Variants in MTAP observed in about 807,000 individuals in gnomAD.
The protein encoded by MTAP is S-methyl-5'-thioadenosine phosphorylase.
Under a neutral mutation model 33.6 loss-of-function variants are expected in MTAP, and 33 were observed. The observed-to-expected ratio is 0.98, with a 90% confidence interval of 0.74 to 1.31. MTAP has a LOEUF of 1.31. MTAP is among the 40% of genes most tolerant of loss of function. MTAP has a pLI of 0.00. For synonymous variants in MTAP, 148 were observed against 125.7 expected, an observed-to-expected ratio of 1.18 and a Z score of -1.19; for missense variants, 367 against 360.0, an observed-to-expected ratio of 1.02 and a Z score of -0.16.
At chr9:21,846,808 T>C (rs1201632560) in intron 5 of MTAP, among the ~76,000 whole-genome samples, 1 of 152,208 alleles carries the variant, frequency 6.6e-6, no homozygotes, top group Non-Finnish European at 1.5e-5. Context: ...CAACTTACAA[T>C]TGTAAAAACT....
chr9:21,865,500 G>C lies in MTAP; in HGVS notation c.*3486G>C. ...GGAACTACCAGTGTGCACACAATCT[G>C]GCTCAATGTATATATTGGCCCAGCA... On this transcript the variant is annotated 3_prime_UTR_variant, in exon 8 of 8. Transcript: ENST00000644715. 1.0e-6 allele frequency: 1 copy of C among 985,514 alleles called. No homozygotes were observed. The highest frequency in any genetic ancestry group is 1.2e-6 in the Non-Finnish European group (1 of 829,976). The allele number at this position is 985,514 out of a possible 1,614,324, so 61.0% of individuals were successfully genotyped here.
In MTAP at chr9:21,862,316, G is replaced by A; in HGVS notation, c.*302G>A. 2.7e-6 allele frequency: 1 copy of A among 363,850 alleles called. No individual in the cohort carries two copies. The highest frequency in any genetic ancestry group is 4.4e-6 in the Non-Finnish European group (1 of 227,854). The allele number at this position is 363,850 out of a possible 1,614,324, so 22.5% of individuals were successfully genotyped here. A position where few individuals can be genotyped will look rare whatever the true frequency, so the allele number is the denominator to read the frequency against. On this transcript the variant is annotated 3_prime_UTR_variant, in exon 8 of 8. Transcript: ENST00000644715. Reference sequence around the variant, plus strand: ...CCCTATTAAATTTGCAACAATAAAGGGTGGAGGGTAATCTCTACTTTCCTA... The same window carrying A: ...CCCTATTAAATTTGCAACAATAAAGAGTGGAGGGTAATCTCTACTTTCCTA...
rs766120810 is a variant in MTAP, at chr9:21,865,482, C to T, written c.*3468C>T. On this transcript the variant is annotated 3_prime_UTR_variant, in exon 8 of 8. Transcript: ENST00000644715. Reference sequence around the variant, plus strand: ...TGAAGATTGTTGCACCTTGGAACTACCAGTGTGCACACAATCTGGCTCAAT... The same window carrying T: ...TGAAGATTGTTGCACCTTGGAACTATCAGTGTGCACACAATCTGGCTCAAT... The T allele has an allele frequency of 9.1e-6, 9 of 985,512 alleles. No individual in the cohort carries two copies. Among genetic ancestry groups the T allele is most frequent in the Non-Finnish European group, 1.1e-5 (9 of 829,946 alleles). 61.0% of individuals were successfully genotyped at this position (985,512 alleles called of 1,614,324 possible).
chr9:21,837,818 C>A, intron 4 of MTAP, 90 bp from the exon 5 acceptor site: 1 of 940,528 alleles, frequency 1.1e-6, no homozygotes, highest in Non-Finnish European at 1.7e-6. Context: ...CAAATATTGA[C>A]CTAGATAAAG....
rs904986040 is a variant in MTAP at position 21,888,573 on chromosome 9, C to A, written c.147+33703C>A. ...CTAGTCTTTTATCATTATATAATGT[C>A]CCTCTTGGTCTTTTTGAACTGTTGT... On this transcript the variant is annotated intron_variant, in intron 1 of 1. Coordinates refer to the MTAP transcript ENST00000577563. Among the ~76,000 whole-genome samples the A allele has an allele frequency of 5.3e-5, 8 of 152,004 alleles. No individual in the cohort carries two copies. The South Asian group carries it at 1.5e-3, about 28-fold the overall frequency.
chr9:21,825,134 G>A (rs1000221247), intron 4 of MTAP, among the ~76,000 whole-genome samples: 3 of 152,170 alleles, frequency 2.0e-5, no homozygotes, highest in Non-Finnish European at 4.4e-5. Flanking sequence ...ACAAGCCCCA[G>A]TGAGATGAAC....
chr9:21,803,114 G>C lies in MTAP; in HGVS notation c.33+333G>C, dbSNP rs1045255673. On this transcript the variant is annotated intron_variant, in intron 1 of 7. Coordinates refer to ENST00000644715, the MANE Select transcript of MTAP (RefSeq NM_002451.4). Reference sequence around the variant, plus strand: ...AGAGAGAGAGGTCGTGGATGGGAGAGGCTGCACCCATGCCACCACCATTCC... The same window carrying C: ...AGAGAGAGAGGTCGTGGATGGGAGACGCTGCACCCATGCCACCACCATTCC... 6 of 498,096 alleles carry C rather than the reference G, an allele frequency of 1.2e-5. No individual in the cohort carries two copies. The African/African-American group carries it at 1.2e-4, about 10-fold the overall frequency. 30.9% of individuals were successfully genotyped at this position (498,096 alleles called of 1,614,324 possible).
chr9:21,930,630 T>G, intron 1 of MTAP: 1 of 419,232 alleles, frequency 2.4e-6, no homozygotes, highest in East Asian at 3.9e-5. Flanking sequence ...GCCAGCAAGT[T>G]TAATATCATG....
At position 21,894,796 on chromosome 9, in the gene MTAP, T is replaced by G. The variant is rs551875335; in HGVS notation, c.148-36212T>G. ...AACTCCATAGTGTCTGTCCAAAGCC[T>G]CCTGCATCTGATTAAAAAAAAAAAC... is the stretch of plus-strand genomic sequence containing the variant. On this transcript the variant is annotated intron_variant, in intron 1 of 1. Transcript: ENST00000577563. Among the ~76,000 whole-genome samples, 4 of 151,250 alleles carry G rather than the reference T, an allele frequency of 2.6e-5. No homozygotes were observed. In the South Asian group the frequency reaches 6.3e-4, roughly 24 times the overall value.
chr9:21,857,095 G>A (rs1420104231), intron 6 of MTAP, among the ~76,000 whole-genome samples: 1 of 152,174 alleles, frequency 6.6e-6, no homozygotes, highest in Non-Finnish European at 1.5e-5. Context: ...TAGTATCAGG[G>A]AAAAGCATTT....
chr9:21,930,819 C>T, intron 1 of MTAP: 1 of 693,044 alleles, frequency 1.4e-6, no homozygotes. Context: ...CAGACAACTC[C>T]TAAATCGAGC....
chr9:21,926,317 G>T (rs546084749), intron 1 of MTAP, among the ~76,000 whole-genome samples: 2 of 151,626 alleles, frequency 1.3e-5, no homozygotes, highest in African/African-American at 4.9e-5. Context: ...AACTCGCTAT[G>T]TAACACCCCT....
chr9:21,886,870 A>G (rs960954682), intron 1 of MTAP, among the ~76,000 whole-genome samples: 3 of 152,154 alleles, frequency 2.0e-5, no homozygotes, highest in Admixed American at 6.6e-5. Context: ...GTTGGATAAT[A>G]TGATACCTTC....
At chr9:21,915,869 A>T (rs1039408594) in intron 1 of MTAP, among the ~76,000 whole-genome samples, 5 of 152,016 alleles carry the variant, frequency 3.3e-5, no homozygotes, top group Non-Finnish European at 5.9e-5. Context: ...CTATGTCTCT[A>T]CAAAAAAATA....
intron 1 of MTAP, among the ~76,000 whole-genome samples, chr9:21,914,469 A>G (rs1163659786): frequency 2.0e-5 from 3 of 152,278 alleles, no homozygotes; most frequent in South Asian, 4.1e-4. Context: ...GGATGAGTTC[A>G]TGTCCTTTGT....
At chr9:21,889,941 T>G (rs1818172310) in intron 1 of MTAP, among the ~76,000 whole-genome samples, 1 of 152,210 alleles carries the variant, frequency 6.6e-6, no homozygotes, top group South Asian at 2.1e-4. Context: ...TGATACAAGC[T>G]TGCCCTAAAA....
At position 21,865,286 on chromosome 9, in the gene MTAP, G is replaced by T. The variant is rs188937833; in HGVS notation, c.*3272G>T. 11 of 446,092 alleles carry T rather than the reference G, an allele frequency of 2.5e-5. No homozygotes were observed. The highest frequency in any genetic ancestry group is 3.0e-5 in the Non-Finnish European group (10 of 337,370). The allele number at this position is 446,092 out of a possible 1,614,324, so 27.6% of individuals were successfully genotyped here. On this transcript the variant is annotated 3_prime_UTR_variant, in exon 8 of 8. Coordinates refer to ENST00000644715, the MANE Select transcript of MTAP (RefSeq NM_002451.4). The stretch of plus-strand genomic sequence containing the variant: ...GCTCAACACTTCTTCCTGCCATCAT[G>T]TGAAGAAGGACGTGTTTGTTTCCCC...
At chr9:21,829,426 T>TTTTG (rs1824911552) in intron 4 of MTAP, among the ~76,000 whole-genome samples, 1 of 151,202 alleles carries the variant, frequency 6.6e-6, no homozygotes, top group Non-Finnish European at 1.5e-5. Flanking sequence ...TGTTTTTTTT[T>TTTTG]TTTGTTTGTT....
intron 1 of MTAP, among the ~76,000 whole-genome samples, chr9:21,916,180 C>T (rs147920704): frequency 0.012 from 1,849 of 151,938 alleles, 102 homozygotes; most frequent in Admixed American, 0.11. Context: ...AATAGCTTCC[C>T]TCCAAAATTC....
Sources: allele counts gnomAD v4.1 joint callset (sites outside exome capture counted in the v4.1 genomes callset), GRCh38; gene constraint gnomAD v4.1.1; transcripts MANE v1.5; gene names NCBI Gene and HGNC (gene_info 2026-07-23, HGNC 2026-07-21).